Variants in DIP2C observed in about 807,000 individuals in gnomAD.
DIP2C encodes the protein DIP2 acetate--CoA ligase C (putative), also known as disco-interacting protein 2 homolog C.
A neutral mutation model predicts 192.4 loss-of-function variants in DIP2C; 33 were observed. The observed-to-expected ratio is 0.17, with a 90% CI of 0.13 to 0.23. DIP2C has a LOEUF of 0.23. Among genes scored for constraint, DIP2C ranks in the 10% least tolerant of loss-of-function variants. DIP2C has a pLI of 1.00. For missense variants in DIP2C, 1,537 were observed against 2,110.1 expected, an observed-to-expected ratio of 0.73 and a Z score of 5.32; for synonymous variants, 979 against 864.1, an observed-to-expected ratio of 1.13 and a Z score of -2.33.
chr10:539,285 G>T (rs1020146619), intron 1 of DIP2C, among the ~76,000 whole-genome samples: 1 of 152,140 alleles, frequency 6.6e-6, no homozygotes, highest in Non-Finnish European at 1.5e-5. Flanking sequence ...CAGGCCTGTG[G>T]ATTCAACCAA....
chr10:662,439 T>C (rs955813523), intron 1 of DIP2C, among the ~76,000 whole-genome samples: 2 of 152,314 alleles, frequency 1.3e-5, no homozygotes, highest in African/African-American at 4.8e-5. Flanking sequence ...ACCAGCCCTA[T>C]TGGCGCACAG....
intron 1 of DIP2C, among the ~76,000 whole-genome samples, chr10:598,938 A>C (rs2131683635): frequency 6.6e-6 from 1 of 152,380 alleles, no homozygotes. Flanking sequence ...GCCTCAAGGA[A>C]CATCCTTCCA....
rs1032998751 is a variant in DIP2C at position 451,897 on chromosome 10, G to A, written c.269-10901C>T. ...GCAAAAGACATTTTAAGAAATGTTT[G>A]CACCATACACAAGTCTGCTACATTT... On this transcript the variant is annotated intron_variant, in intron 3 of 36. Coordinates refer to ENST00000280886, the MANE Select transcript of DIP2C (RefSeq NM_014974.3). 2.4e-4 allele frequency among the ~76,000 whole-genome samples: 36 copies of A among 152,014 alleles called. 1 individual carries two copies. The highest frequency in any genetic ancestry group is 7.9e-4 in the Admixed American group (12 of 15,286).
At chr10:417,304 A>G (rs1965707125) in intron 6 of DIP2C, among the ~76,000 whole-genome samples, 1 of 152,192 alleles carries the variant, frequency 6.6e-6, no homozygotes, top group Admixed American at 6.5e-5. Context: ...GTGGGAGGCT[A>G]TGACACGCCG....
chr10:463,018 A>T (rs1377095034), intron 3 of DIP2C, among the ~76,000 whole-genome samples: 2 of 152,224 alleles, frequency 1.3e-5, no homozygotes, highest in African/African-American at 4.8e-5. Context: ...AACACATCTC[A>T]AAATAATAAG....
chr10:391,001 C>T (rs1360136791), intron 10 of DIP2C, 138 bp from the exon 11 acceptor site: 4 of 1,267,088 alleles, frequency 3.2e-6, no homozygotes, highest in Non-Finnish European at 3.3e-6. Flanking sequence ...TGCTTGGTAT[C>T]TGTGGGACCC....
At chr10:370,931 AAG>A (rs1960875775) in intron 17 of DIP2C, among the ~76,000 whole-genome samples, 2 of 152,232 alleles carry the variant, frequency 1.3e-5, no homozygotes, top group South Asian at 4.1e-4. Flanking sequence ...ACTCTGGAAA[AAG>A]AATTATTCTA....
At chr10:600,693 C>T (rs1392140004) in intron 1 of DIP2C, among the ~76,000 whole-genome samples, 1 of 152,170 alleles carries the variant, frequency 6.6e-6, no homozygotes, top group Non-Finnish European at 1.5e-5. Flanking sequence ...CCTGGGTGCC[C>T]CAGAGCGCTT....
intron 11 of DIP2C, 104 bp from the exon 12 acceptor site, chr10:390,477 G>C: frequency 8.4e-7 from 1 of 1,196,732 alleles, no homozygotes; most frequent in Non-Finnish European, 1.2e-6. Flanking sequence ...CAACTAGATC[G>C]AATCTCTGGT....
At chr10:287,109 C>T (rs956482491) in intron 33 of DIP2C, among the ~76,000 whole-genome samples, 3 of 147,118 alleles carry the variant, frequency 2.0e-5, no homozygotes, top group Middle Eastern at 3.6e-3. Flanking sequence ...GCATTTCCTT[C>T]TTTTTTTTTT....
intron 18 of DIP2C, among the ~76,000 whole-genome samples, chr10:367,374 G>A (rs975338382): frequency 1.8e-4 from 27 of 150,544 alleles, no homozygotes; most frequent in Non-Finnish European, 2.9e-4. Flanking sequence ...CCGAGATCGC[G>A]CCACTGCACT....
intron 1 of DIP2C, among the ~76,000 whole-genome samples, chr10:576,768 A>C: frequency 6.6e-6 from 1 of 152,150 alleles, no homozygotes; most frequent in South Asian, 2.1e-4. Flanking sequence ...TTAGCCAGGC[A>C]TGGTGGCACG....
chr10:372,969 A>C (rs991117609), intron 17 of DIP2C, among the ~76,000 whole-genome samples: 1 of 152,214 alleles, frequency 6.6e-6, no homozygotes, highest in Non-Finnish European at 1.5e-5. Flanking sequence ...CGTGTGCCAA[A>C]TGGTTCTGAC....
At chr10:423,536 A>T (rs533046186) in intron 4 of DIP2C, among the ~76,000 whole-genome samples, 20 of 152,230 alleles carry the variant, frequency 1.3e-4, no homozygotes, top group African/African-American at 4.8e-4. Flanking sequence ...TGTGTGTTAG[A>T]CACCCATGCA....
At chr10:383,601 C>T (rs115602923) in intron 16 of DIP2C, among the ~76,000 whole-genome samples, 1,813 of 152,274 alleles carry the variant, frequency 0.012, 40 homozygotes, top group African/African-American at 0.041. Flanking sequence ...AACTACTATA[C>T]ACCAAAAAGT....
chr10:491,112 G>A (rs1844413189), intron 1 of DIP2C, among the ~76,000 whole-genome samples: 1 of 152,204 alleles, frequency 6.6e-6, no homozygotes, highest in Non-Finnish European at 1.5e-5. Flanking sequence ...GCACGCACCA[G>A]CCAATCTGGC....
chr10:437,166 G>A (rs1967321578), intron 4 of DIP2C, among the ~76,000 whole-genome samples: 1 of 149,214 alleles, frequency 6.7e-6, no homozygotes, highest in Admixed American at 6.6e-5. Flanking sequence ...GGACATGGTA[G>A]GGTGATATGC....
In DIP2C at chr10:422,852, C is replaced by G. The variant is rs1243270143; in HGVS notation, c.576G>C (p.Leu192=). ...QSGGSGAAHR[L]ADVMAQTHIE... The stretch of plus-strand genomic sequence containing the variant: ...TGTGGGTCTGAGCCATGACGTCCGC[C>G]AGCCTGTGGGCAGCCCCGCTGCCCC... Residue 192 remains leucine, a synonymous_variant, in exon 5 of 37, where the codon CTG becomes CTC. Coordinates refer to ENST00000280886, the MANE Select transcript of DIP2C (RefSeq NM_014974.3). 6.2e-7 allele frequency: 1 copy of G among 1,612,724 alleles called. No individual in the cohort carries two copies. The highest frequency in any genetic ancestry group is 1.1e-5 in the South Asian group (1 of 91,018).
chr10:407,600 CAGT>C (rs1246521064), intron 9 of DIP2C, among the ~76,000 whole-genome samples: 1 of 152,136 alleles, frequency 6.6e-6, no homozygotes, highest in Non-Finnish European at 1.5e-5. Flanking sequence ...GTGCCCTTTT[CAGT>C]AGTTTAGTAA....
Sources: gnomAD v4.1 joint callset for allele counts (sites outside exome capture counted in the v4.1 genomes callset) on GRCh38, gnomAD v4.1.1 for gene constraint, MANE v1.5 for transcripts, NCBI Gene and HGNC (gene_info 2026-07-23, HGNC 2026-07-21) for gene names.